Variants in SSBP2 observed in about 807,000 individuals in gnomAD.
The protein encoded by SSBP2 is single-stranded DNA-binding protein 2.
In SSBP2, 17 loss-of-function variants were observed where a neutral mutation model predicts 61.8. The ratio of observed to expected loss-of-function variants is 0.28; its 90% CI spans 0.19 to 0.41. The LOEUF is 0.41. SSBP2 is among the 10% of genes least tolerant of loss of function. The pLI is 1.00. For missense variants in SSBP2, 310 were observed against 458.7 expected, an observed-to-expected ratio of 0.68 and a Z score of 2.96; for synonymous variants, 139 against 141.3, an observed-to-expected ratio of 0.98 and a Z score of 0.12.
In SSBP2 at chr5:81,534,541, A is replaced by G. The variant is rs141157856; in HGVS notation, c.283-20824T>C. Among the ~76,000 whole-genome samples the G allele has an allele frequency of 2.5e-3, 384 of 152,258 alleles. 2 individuals are homozygous for G. The highest frequency in any genetic ancestry group is 8.6e-3 in the African/African-American group (356 of 41,542). On this transcript the variant is annotated intron_variant, in intron 4 of 16. Transcript: ENST00000320672. Reference sequence around the variant, plus strand: ...TCTAAGAATAAAAAAGAAATGCTAGAGATCAAAAACACTGTTACACAAATA... The same window carrying G: ...TCTAAGAATAAAAAAGAAATGCTAGGGATCAAAAACACTGTTACACAAATA...
intron 4 of SSBP2, among the ~76,000 whole-genome samples, chr5:81,562,087 G>A (rs1773088821): frequency 6.7e-6 from 1 of 150,308 alleles, no homozygotes; most frequent in Non-Finnish European, 1.5e-5. Flanking sequence ...TTTTTTTTTA[G>A]TAGAGATGGG....
chr5:81,615,645 T>C (rs1745936222), intron 3 of SSBP2, 88 bp from the exon 4 acceptor site: 1 of 892,050 alleles, frequency 1.1e-6, no homozygotes, highest in African/African-American at 1.7e-5. Context: ...CATGTTTTTC[T>C]TTATACAAAA....
intron 2 of SSBP2, among the ~76,000 whole-genome samples, chr5:81,648,540 AG>A (rs1749465831): frequency 6.6e-6 from 1 of 152,122 alleles, no homozygotes; most frequent in African/African-American, 2.4e-5. Flanking sequence ...TACCTCAGGC[AG>A]GGAACTATTG....
intron 4 of SSBP2, among the ~76,000 whole-genome samples, chr5:81,518,751 T>C (rs1049213049): frequency 2.0e-5 from 3 of 152,130 alleles, no homozygotes; most frequent in African/African-American, 7.2e-5. Context: ...GTTGAGGACA[T>C]ATTATTTATC....
intron 1 of SSBP2, among the ~76,000 whole-genome samples, chr5:81,651,356 C>T (rs1300989703): frequency 6.6e-6 from 1 of 152,054 alleles, no homozygotes; most frequent in Non-Finnish European, 1.5e-5. Context: ...GAGTATTTTC[C>T]TTATTTTCAT....
At position 81,543,250 on chromosome 5, in the gene SSBP2, G is replaced by A. The variant is rs566872328; in HGVS notation, c.283-29533C>T. Among the ~76,000 whole-genome samples the A allele has an allele frequency of 3.3e-5, 5 of 152,214 alleles. No individual in the cohort carries two copies. The East Asian group carries it at 7.7e-4, about 24-fold the overall frequency. On this transcript the variant is annotated intron_variant, in intron 4 of 16. Transcript: ENST00000320672. The stretch of plus-strand genomic sequence containing the variant: ...TTTCCTGAGTCCTCCCCAGCCATGC[G>A]GAACTGTAAGTCAATTAAAACTCCT...
chr5:81,697,358 T>C (rs1254610445), intron 1 of SSBP2, among the ~76,000 whole-genome samples: 2 of 152,254 alleles, frequency 1.3e-5, no homozygotes, highest in Non-Finnish European at 2.9e-5. Flanking sequence ...CTGAATTGTC[T>C]AGATTGGTTG....
intron 4 of SSBP2, among the ~76,000 whole-genome samples, chr5:81,519,457 A>T (rs984857020): frequency 2.0e-5 from 3 of 152,144 alleles, no homozygotes; most frequent in African/African-American, 7.2e-5. Flanking sequence ...TCTACCAGCC[A>T]GGCACATGGC....
chr5:81,712,363 A>ATTTCT (rs1347020213), intron 1 of SSBP2, among the ~76,000 whole-genome samples: 5 of 5,948 alleles, frequency 8.4e-4, no homozygotes, highest in South Asian at 0.01. Flanking sequence ...AAAGATTACA[A>ATTTCT]GGCCGAGGCG....
chr5:81,751,734 G>C (rs1340893983), upstream of SSBP2: 1 of 152,288 alleles, frequency 6.6e-6, no homozygotes, highest in South Asian at 2.1e-4. Flanking sequence ...CCAGAGGGCC[G>C]GCTGGCGAGG....
chr5:81,695,173 G>A (rs900390853), intron 1 of SSBP2, among the ~76,000 whole-genome samples: 4 of 152,050 alleles, frequency 2.6e-5, no homozygotes, highest in Non-Finnish European at 5.9e-5. Context: ...CTATAAGAAA[G>A]AATAAAATTA....
At chr5:81,522,402 A>G (rs548214346) in intron 4 of SSBP2, among the ~76,000 whole-genome samples, 3 of 152,186 alleles carry the variant, frequency 2.0e-5, no homozygotes, top group African/African-American at 7.2e-5. Flanking sequence ...TTTTTTAAAT[A>G]CAATTTTTAT....
chr5:81,658,927 A>G (rs565279079), intron 1 of SSBP2, among the ~76,000 whole-genome samples: 1 of 152,366 alleles, frequency 6.6e-6, no homozygotes, highest in East Asian at 1.9e-4. Flanking sequence ...CCACATGATT[A>G]TCTCAACAGA....
chr5:81,617,161 G>C (rs1414079380), intron 3 of SSBP2, among the ~76,000 whole-genome samples: 1 of 37,224 alleles, frequency 2.7e-5, no homozygotes, highest in South Asian at 9.0e-4. Flanking sequence ...TCTGAGCTAC[G>C]GGAGGACATT....
intron 4 of SSBP2, among the ~76,000 whole-genome samples, chr5:81,567,907 T>A (rs1187281791): frequency 6.6e-6 from 1 of 152,138 alleles, no homozygotes; most frequent in Non-Finnish European, 1.5e-5. Context: ...TTTGGAATGG[T>A]TGTATTTGCC....
At chr5:81,603,681 A>G (rs1404034647) in intron 4 of SSBP2, among the ~76,000 whole-genome samples, 1 of 152,182 alleles carries the variant, frequency 6.6e-6, no homozygotes, top group Non-Finnish European at 1.5e-5. Flanking sequence ...ATACCATAAA[A>G]AGAATGTACT....
intron 1 of SSBP2, among the ~76,000 whole-genome samples, chr5:81,677,253 C>T (rs955314543): frequency 7.9e-5 from 12 of 152,082 alleles, no homozygotes; most frequent in Non-Finnish European, 1.3e-4. Flanking sequence ...ACCAATCTAT[C>T]CCAACAACAA....
chr5:81,493,685 G>A (rs1767065893), intron 5 of SSBP2, among the ~76,000 whole-genome samples: 2 of 152,056 alleles, frequency 1.3e-5, no homozygotes, highest in African/African-American at 4.8e-5. Context: ...GAACCTGGGA[G>A]GCCGGGGTTG....
chr5:81,572,315 G>A (rs1013626846), intron 4 of SSBP2, among the ~76,000 whole-genome samples: 1 of 152,154 alleles, frequency 6.6e-6, no homozygotes, highest in African/African-American at 2.4e-5. Context: ...TCTAATGACA[G>A]TATTCCTCTG....
Sources: allele counts gnomAD v4.1 joint callset (sites outside exome capture counted in the v4.1 genomes callset), GRCh38; gene constraint gnomAD v4.1.1; transcripts MANE v1.5; gene names NCBI Gene and HGNC (gene_info 2026-07-23, HGNC 2026-07-21).